The following NOX4 variants were observed in gnomAD, a reference collection of about 807,000 sequenced individuals.
NOX4 encodes NADPH oxidase 4, also known as kidney oxidase-1.
Under a neutral mutation model 87.6 loss-of-function variants are expected in NOX4, and 69 were observed. That is an observed-to-expected ratio of 0.79 (90% CI 0.65 to 0.96). The LOEUF (loss-of-function observed/expected upper bound fraction) is 0.96. Among genes scored for constraint, NOX4 ranks in the 40% least tolerant of loss-of-function variants. NOX4 has a pLI of 0.00. For missense variants in NOX4, 680 were observed against 681.5 expected (o/e 1.00, Z 0.02); for synonymous variants, 275 against 238.2 (o/e 1.15, Z -1.42).
intron 11 of NOX4, among the ~76,000 whole-genome samples, chr11:89,385,995 C>A (rs973010187): frequency 2.6e-5 from 4 of 152,088 alleles, no homozygotes; most frequent in Admixed American, 6.6e-5. Context: ...TTCAGTGGAA[C>A]CTTCATACCC....
chr11:89,437,549 G>A (rs1289360271), intron 6 of NOX4, among the ~76,000 whole-genome samples: 5 of 152,054 alleles, frequency 3.3e-5, no homozygotes, highest in African/African-American at 1.2e-4. Flanking sequence ...CTGCTGGCCA[G>A]CATAGTACTT....
chr11:89,491,400 G>C (rs1681826336), upstream of NOX4: 1 of 670,082 alleles, frequency 1.5e-6, no homozygotes. Flanking sequence ...CCGGCGCCGA[G>C]CCAGCCCGGG....
the NOX4 span, among the ~76,000 whole-genome samples, chr11:89,555,151 T>C: frequency 2.0e-5 from 3 of 150,342 alleles, no homozygotes; most frequent in South Asian, 6.4e-4. Flanking sequence ...TTCTTTTTGC[T>C]GGTTCTGCTG....
rs538273417 is a variant in NOX4, at chr11:89,375,856, G to A, written c.1075-2364C>T. Among the ~76,000 whole-genome samples the A allele has an allele frequency of 7.4e-4, 112 of 152,290 alleles. 1 individual carries two copies. The highest frequency in any genetic ancestry group is 6.8e-3 in the Middle Eastern group (2 of 294). ...TGAACTAGATCTCAGGTTATGAAAAGATGACCTATAGCCAAGAAGATATCA... is the reference window on the plus strand; with the variant it reads ...TGAACTAGATCTCAGGTTATGAAAAAATGACCTATAGCCAAGAAGATATCA... On this transcript the variant is annotated intron_variant, in intron 11 of 17. Transcript: ENST00000263317.
At chr11:89,387,119 C>T (rs1014196471) in intron 11 of NOX4, among the ~76,000 whole-genome samples, 4 of 152,000 alleles carry the variant, frequency 2.6e-5, no homozygotes, top group African/African-American at 7.2e-5. Context: ...CATACCACCC[C>T]CAAAAATTTT....
At chr11:89,353,570 C>G (rs184812620) in intron 13 of NOX4, among the ~76,000 whole-genome samples, 1 of 152,162 alleles carries the variant, frequency 6.6e-6, no homozygotes, top group East Asian at 1.9e-4. Flanking sequence ...CTTTTATATG[C>G]AGTGAGAAAC....
At chr11:89,578,797 T>C in the NOX4 span, among the ~76,000 whole-genome samples, 3 of 152,302 alleles carry the variant, frequency 2.0e-5, no homozygotes, top group African/African-American at 7.2e-5. Flanking sequence ...ATATATTACA[T>C]TGTAATATGA....
At chr11:89,515,046 C>T in the NOX4 span, among the ~76,000 whole-genome samples, 1 of 151,912 alleles carries the variant, frequency 6.6e-6, no homozygotes, top group Non-Finnish European at 1.5e-5. Context: ...TAAGTTTTGG[C>T]TAGAATAAAT....
At chr11:89,435,663 G>C (rs1007873762) in intron 6 of NOX4, among the ~76,000 whole-genome samples, 1 of 151,968 alleles carries the variant, frequency 6.6e-6, no homozygotes, top group African/African-American at 2.4e-5. Context: ...AGACTTAGAG[G>C]AAGTAAAATA....
intron 6 of NOX4, among the ~76,000 whole-genome samples, chr11:89,440,439 C>G (rs1401326746): frequency 1.3e-5 from 2 of 152,062 alleles, no homozygotes; most frequent in Non-Finnish European, 2.9e-5. Context: ...CCTGCCTCAG[C>G]CTCCTAAGTA....
intron 17 of NOX4, among the ~76,000 whole-genome samples, chr11:89,330,328 A>G (rs929873846): frequency 1.3e-5 from 2 of 152,090 alleles, no homozygotes; most frequent in Non-Finnish European, 2.9e-5. Context: ...TGGCCTGAGC[A>G]ACAGAGCAAT....
chr11:89,585,747 C>A, the NOX4 span, among the ~76,000 whole-genome samples: 8 of 152,304 alleles, frequency 5.3e-5, no homozygotes, highest in Non-Finnish European at 1.0e-4. Flanking sequence ...ATCTAACTTT[C>A]CAGTTCATTG....
At chr11:89,413,195 G>T (rs1306765903) in intron 8 of NOX4, among the ~76,000 whole-genome samples, 4 of 152,118 alleles carry the variant, frequency 2.6e-5, no homozygotes, top group African/African-American at 9.7e-5. Context: ...GTGAGAATGT[G>T]GAGAAAAGGG....
intron 12 of NOX4, among the ~76,000 whole-genome samples, chr11:89,368,466 C>G (rs186723812): frequency 9.2e-5 from 14 of 152,200 alleles, no homozygotes; most frequent in African/African-American, 3.1e-4. Flanking sequence ...CTGGTAAAGT[C>G]TGCTCTCCGC....
chr11:89,467,107 G>C (rs543104587), intron 2 of NOX4, among the ~76,000 whole-genome samples: 5 of 151,902 alleles, frequency 3.3e-5, no homozygotes, highest in African/African-American at 1.2e-4. Flanking sequence ...CCAGCACTTT[G>C]GGAGGCCAAG....
At chr11:89,410,842 C>T (rs940430037) in intron 8 of NOX4, among the ~76,000 whole-genome samples, 1 of 152,184 alleles carries the variant, frequency 6.6e-6, no homozygotes, top group Non-Finnish European at 1.5e-5. Context: ...GTGCAGGGCT[C>T]ACAGCCAGTG....
chr11:89,561,046 C>CAAAAATATATAT, the NOX4 span, among the ~76,000 whole-genome samples: 1 of 25,694 alleles, frequency 3.9e-5, no homozygotes, highest in Non-Finnish European at 6.5e-5. Flanking sequence ...ACACATATAT[C>CAAAAATATATAT]ATACATATAT....
chr11:89,349,551 T>C (rs1946366149), intron 13 of NOX4, among the ~76,000 whole-genome samples: 1 of 152,066 alleles, frequency 6.6e-6, no homozygotes, highest in Non-Finnish European at 1.5e-5. Context: ...CCATTAGAAA[T>C]GAGATTGAGG....
At chr11:89,541,920 C>T in the NOX4 span, among the ~76,000 whole-genome samples, 9 of 152,162 alleles carry the variant, frequency 5.9e-5, no homozygotes, top group African/African-American at 9.7e-5. Flanking sequence ...ATCCTCCCAC[C>T]TCAGCCTCCC....
Sources: gnomAD v4.1 joint callset for allele counts (sites outside exome capture counted in the v4.1 genomes callset) on GRCh38, gnomAD v4.1.1 for gene constraint, MANE v1.5 for transcripts, NCBI Gene and HGNC (gene_info 2026-07-23, HGNC 2026-07-21) for gene names.